GRID2: variants seen among roughly 807,000 people sequenced by gnomAD.
GRID2 encodes the protein glutamate ionotropic receptor delta type subunit 2.
Under a neutral mutation model 114.8 loss-of-function variants are expected in GRID2, and 33 were observed. The observed-to-expected ratio is 0.29, with a 90% CI of 0.22 to 0.38. GRID2 has a LOEUF of 0.38. Ranked by LOEUF, GRID2 falls within the 10% of genes least tolerant of loss-of-function variation. The pLI is 1.00. For synonymous variants in GRID2, 505 were observed against 449.9 expected (o/e 1.12, Z -1.55); for missense variants, 1,184 against 1,257.7 (o/e 0.94, Z 0.89).
chr4:93,425,378 T>C (rs1367793189), intron 10 of GRID2, among the ~76,000 whole-genome samples: 1 of 152,212 alleles, frequency 6.6e-6, no homozygotes, highest in African/African-American at 2.4e-5. Flanking sequence ...GATGTAATCT[T>C]GGTCCCTAGG....
Position 92,886,751 on chromosome 4 carries a change from G to A in GRID2, c.245-198244G>A, listed in dbSNP as rs1017264947. On this transcript the variant is annotated intron_variant, in intron 2 of 15. Transcript: ENST00000282020. ...TGCCATTCTCCTGCCTCAGCCTCCC[G>A]AGTAGCTGGGACTACAGGTGCCCGC... Among the ~76,000 whole-genome samples, 130 of 152,010 alleles carry A rather than the reference G, an allele frequency of 8.6e-4. 2 individuals carry two copies. Among genetic ancestry groups the A allele is most frequent in the African/African-American group, 2.9e-3 (119 of 41,512 alleles).
chr4:93,714,356 T>C (rs112669043), intron 14 of GRID2, among the ~76,000 whole-genome samples: 10,153 of 152,222 alleles, frequency 0.067, 1,136 homozygotes, highest in African/African-American at 0.23. Flanking sequence ...GACATTTAGG[T>C]TGACTCCATG....
chr4:93,007,791 A>G (rs1427579750), intron 2 of GRID2, among the ~76,000 whole-genome samples: 2 of 152,122 alleles, frequency 1.3e-5, no homozygotes, highest in Non-Finnish European at 2.9e-5. Context: ...CTGTAATCCC[A>G]GCACTTTGGG....
At chr4:92,895,667 G>T (rs1189200442) in intron 2 of GRID2, among the ~76,000 whole-genome samples, 5 of 151,958 alleles carry the variant, frequency 3.3e-5, no homozygotes, top group Non-Finnish European at 7.4e-5. Context: ...TGAGTTGAAA[G>T]TTCTACTATC....
chr4:93,400,867 C>T (rs1254846274), intron 9 of GRID2, among the ~76,000 whole-genome samples: 1 of 152,060 alleles, frequency 6.6e-6, no homozygotes, highest in African/African-American at 2.4e-5. Context: ...GACAGGCTCT[C>T]ACTCCTTCAC....
chr4:93,061,103 A>AAAAT (rs58943728), intron 2 of GRID2, among the ~76,000 whole-genome samples: 7,653 of 143,836 alleles, frequency 0.053, 276 homozygotes, highest in African/African-American at 0.086. Context: ...ACTCCATCTC[A>AAAAT]AAATAAATAA....
At chr4:93,411,513 C>T (rs1430811623) in intron 9 of GRID2, among the ~76,000 whole-genome samples, 5 of 151,640 alleles carry the variant, frequency 3.3e-5, no homozygotes, top group African/African-American at 9.7e-5. Context: ...TAGCTCACTG[C>T]AACCTCCGCC....
chr4:93,303,362 G>A (rs1375014312), intron 8 of GRID2, among the ~76,000 whole-genome samples: 1 of 152,138 alleles, frequency 6.6e-6, no homozygotes, highest in Non-Finnish European at 1.5e-5. Flanking sequence ...ATCTTCCCCA[G>A]AGCCATTCAT....
chr4:92,740,324 T>A (rs1315493184), intron 2 of GRID2, among the ~76,000 whole-genome samples: 1 of 152,226 alleles, frequency 6.6e-6, no homozygotes, highest in Non-Finnish European at 1.5e-5. Flanking sequence ...TCTGCATTTT[T>A]CTTTATGGGT....
At chr4:93,193,977 G>T (rs1741238106) in intron 4 of GRID2, among the ~76,000 whole-genome samples, 1 of 152,132 alleles carries the variant, frequency 6.6e-6, no homozygotes, top group South Asian at 2.1e-4. Flanking sequence ...TGACTAAAGG[G>T]CAGAAATACA....
chr4:93,114,397 T>A (rs1481426485), intron 4 of GRID2, among the ~76,000 whole-genome samples: 1 of 152,158 alleles, frequency 6.6e-6, no homozygotes, highest in Admixed American at 6.6e-5. Context: ...ATCCCTTCCA[T>A]CTTGGTCCCC....
At chr4:93,734,424 A>G (rs1730752312) in intron 14 of GRID2, among the ~76,000 whole-genome samples, 1 of 152,030 alleles carries the variant, frequency 6.6e-6, no homozygotes, top group Admixed American at 6.6e-5. Flanking sequence ...TGACTGCAAG[A>G]TTGTCAGTAG....
At chr4:92,847,290 A>T (rs1227651979) in intron 2 of GRID2, among the ~76,000 whole-genome samples, 1 of 151,766 alleles carries the variant, frequency 6.6e-6, no homozygotes, top group Non-Finnish European at 1.5e-5. Context: ...CAGAATCTCA[A>T]CCCCCAGCAC....
chr4:92,844,859 A>G (rs548286141), intron 2 of GRID2, among the ~76,000 whole-genome samples: 27 of 152,218 alleles, frequency 1.8e-4, no homozygotes, highest in African/African-American at 5.8e-4. Context: ...CTCAAGGGTT[A>G]ATGCTTTTTT....
At chr4:93,529,803 C>T (rs771927251) in intron 13 of GRID2, among the ~76,000 whole-genome samples, 4 of 152,086 alleles carry the variant, frequency 2.6e-5, no homozygotes, top group Non-Finnish European at 4.4e-5. Flanking sequence ...TGTTGCTTCC[C>T]GCCTTGTGAC....
chr4:92,823,252 A>C, intron 2 of GRID2, among the ~76,000 whole-genome samples: 1 of 152,154 alleles, frequency 6.6e-6, no homozygotes, highest in East Asian at 1.9e-4. Context: ...AAAATTAGGA[A>C]CTATGAACAT....
intron 14 of GRID2, among the ~76,000 whole-genome samples, chr4:93,692,769 A>G (rs1468679090): frequency 3.3e-5 from 5 of 152,164 alleles, no homozygotes; most frequent in Admixed American, 2.0e-4. Context: ...ATACATGTTT[A>G]TAAAGTTTTC....
chr4:92,992,071 C>T (rs1312979461), intron 2 of GRID2, among the ~76,000 whole-genome samples: 1 of 152,174 alleles, frequency 6.6e-6, no homozygotes, highest in Non-Finnish European at 1.5e-5. Flanking sequence ...GTAACGATGA[C>T]TCCTTTTCTG....
At chr4:93,761,728 G>A (rs973922273) in intron 14 of GRID2, among the ~76,000 whole-genome samples, 5 of 152,058 alleles carry the variant, frequency 3.3e-5, no homozygotes, top group African/African-American at 4.8e-5. Context: ...TTTAAACAAA[G>A]GAAATAGCTC....
Sources: gnomAD v4.1 joint callset for allele counts (sites outside exome capture counted in the v4.1 genomes callset) on GRCh38, gnomAD v4.1.1 for gene constraint, MANE v1.5 for transcripts, NCBI Gene and HGNC (gene_info 2026-07-23, HGNC 2026-07-21) for gene names.